The following KLHL14 variants were observed in gnomAD, a reference collection of about 807,000 sequenced individuals.
KLHL14 encodes kelch like family member 14, also known as kelch-like protein 14.
KLHL14 carries 22 observed loss-of-function variants against 64.3 expected under a neutral mutation model. That is an observed-to-expected ratio of 0.34 (90% confidence interval 0.24 to 0.49). The LOEUF is 0.49. Among genes scored for constraint, KLHL14 ranks in the 20% least tolerant of loss-of-function variants. The pLI is 0.99. For missense variants in KLHL14, 661 were observed against 789.0 expected (o/e 0.84, Z 1.94); for synonymous variants, 322 against 333.4 (o/e 0.97, Z 0.37).
intron 3 of KLHL14, among the ~76,000 whole-genome samples, chr18:32,714,637 A>G (rs1236597516): frequency 6.6e-6 from 1 of 152,196 alleles, no homozygotes; most frequent in Admixed American, 6.5e-5. Context: ...ATGTTGAAGG[A>G]AGAATGAAGT....
intron 3 of KLHL14, among the ~76,000 whole-genome samples, chr18:32,722,879 T>C (rs1403761): frequency 0.29 from 44,747 of 151,942 alleles, 6,846 homozygotes; most frequent in African/African-American, 0.37. Context: ...TGCTTGAGCC[T>C]AGGAGTTGGA....
chr18:32,687,279 G>T, intron 4 of KLHL14, 46 bp from the exon 5 acceptor site: 1 of 1,436,694 alleles, frequency 7.0e-7, no homozygotes, highest in Non-Finnish European at 9.8e-7. Context: ...TTCTTTTGTT[G>T]ATTTGCACAT....
chr18:32,702,414 T>G (rs2049970669), intron 3 of KLHL14, among the ~76,000 whole-genome samples: 2 of 151,698 alleles, frequency 1.3e-5, no homozygotes, highest in African/African-American at 4.8e-5. Flanking sequence ...GTTTTAAAAT[T>G]TGCTAGTTAG....
At chr18:32,682,954 G>T (rs139614118) in intron 5 of KLHL14, among the ~76,000 whole-genome samples, 166 of 152,198 alleles carry the variant, frequency 1.1e-3, no homozygotes, top group African/African-American at 3.8e-3. Context: ...GACTATGTGG[G>T]TTATAAGCTG....
At chr18:32,749,565 C>T (rs894195271) in intron 2 of KLHL14, among the ~76,000 whole-genome samples, 1 of 152,184 alleles carries the variant, frequency 6.6e-6, no homozygotes, top group African/African-American at 2.4e-5. Flanking sequence ...GCCCTTTGTG[C>T]TGCTGACACC....
intron 2 of KLHL14, chr18:32,745,144 A>G (rs555903038): frequency 6.6e-6 from 1 of 152,364 alleles, no homozygotes; most frequent in East Asian, 1.9e-4. Flanking sequence ...TAGTGAATCA[A>G]GATGCCTTCC....
chr18:32,751,374 G>A (rs893892876), intron 2 of KLHL14, among the ~76,000 whole-genome samples: 1 of 152,148 alleles, frequency 6.6e-6, no homozygotes, highest in Non-Finnish European at 1.5e-5. Flanking sequence ...AAATAGACCT[G>A]ATAATGCCTC....
At chr18:32,714,682 G>C (rs956764808) in intron 3 of KLHL14, among the ~76,000 whole-genome samples, 1 of 152,240 alleles carries the variant, frequency 6.6e-6, no homozygotes, top group East Asian at 1.9e-4. Context: ...ACCCGTTGCT[G>C]CTTCCTGTTC....
chr18:32,758,222 A>G (rs767827249), intron 2 of KLHL14, among the ~76,000 whole-genome samples: 3 of 152,058 alleles, frequency 2.0e-5, no homozygotes, highest in Non-Finnish European at 4.4e-5. Context: ...TCCTGGGTTC[A>G]AGCAGTTTTC....
intron 3 of KLHL14, among the ~76,000 whole-genome samples, chr18:32,726,974 A>G (rs1344757781): frequency 1.3e-5 from 2 of 152,196 alleles, no homozygotes; most frequent in African/African-American, 4.8e-5. Flanking sequence ...ATCCACAGTC[A>G]CATATGCTTG....
chr18:32,688,448 T>C (rs1451131336), intron 4 of KLHL14, among the ~76,000 whole-genome samples: 1 of 152,188 alleles, frequency 6.6e-6, no homozygotes, highest in East Asian at 1.9e-4. Context: ...TAAACAAACA[T>C]ATAATATCAA....
intron 3 of KLHL14, among the ~76,000 whole-genome samples, chr18:32,724,610 T>C (rs1379872000): frequency 1.3e-5 from 2 of 152,160 alleles, no homozygotes; most frequent in Admixed American, 6.5e-5. Context: ...GACCTCACAT[T>C]GTTACTCTGA....
intron 3 of KLHL14, among the ~76,000 whole-genome samples, chr18:32,704,613 T>C (rs988060751): frequency 1.3e-5 from 2 of 152,020 alleles, no homozygotes; most frequent in Non-Finnish European, 2.9e-5. Context: ...TCCCAGCTAC[T>C]TGGGGGGCTG....
At chr18:32,725,788 C>A (rs188213023) in intron 3 of KLHL14, among the ~76,000 whole-genome samples, 1 of 152,236 alleles carries the variant, frequency 6.6e-6, no homozygotes, top group Non-Finnish European at 1.5e-5. Context: ...AGAGTCAGTA[C>A]AGCTTGTGAC....
At chr18:32,742,098 C>A (rs1196928899) in intron 2 of KLHL14, 49 bp from the exon 3 acceptor site, 1 of 1,569,578 alleles carries the variant, frequency 6.4e-7, no homozygotes, top group Non-Finnish European at 8.6e-7. Flanking sequence ...ACTGTAGAGT[C>A]TTTTTAGTGG....
At chr18:32,708,100 G>T (rs1006644357) in intron 3 of KLHL14, among the ~76,000 whole-genome samples, 1 of 152,130 alleles carries the variant, frequency 6.6e-6, no homozygotes, top group African/African-American at 2.4e-5. Flanking sequence ...ATTTTTGGCT[G>T]GCCTCATATG....
At chr18:32,749,740 A>G (rs1357423488) in intron 2 of KLHL14, among the ~76,000 whole-genome samples, 1 of 152,122 alleles carries the variant, frequency 6.6e-6, no homozygotes, top group Non-Finnish European at 1.5e-5. Context: ...GTATTGCATA[A>G]AAGCAGTAAA....
chr18:32,727,878 A>G (rs1025849577), intron 3 of KLHL14, among the ~76,000 whole-genome samples: 2 of 152,192 alleles, frequency 1.3e-5, no homozygotes, highest in Non-Finnish European at 2.9e-5. Flanking sequence ...CCAAGAGCAC[A>G]AATACACAGT....
At chr18:32,693,377 T>TACACACACACACACACAC (rs869067364) in intron 4 of KLHL14, among the ~76,000 whole-genome samples, 3 of 96,658 alleles carry the variant, frequency 3.1e-5, no homozygotes, top group African/African-American at 1.6e-4. Context: ...AAAGGGATCT[T>TACACACACACACACACAC]ACACACACAC....
Sources: gnomAD v4.1 joint callset for allele counts (sites outside exome capture counted in the v4.1 genomes callset) on GRCh38, gnomAD v4.1.1 for gene constraint, MANE v1.5 for transcripts, NCBI Gene and HGNC (gene_info 2026-07-23, HGNC 2026-07-21) for gene names.